The following CACNA1E variants were observed in gnomAD, a reference collection of about 807,000 sequenced individuals.
The protein encoded by CACNA1E is voltage-dependent R-type calcium channel subunit alpha-1E.
CACNA1E carries 40 observed loss-of-function variants against 259.2 expected under a neutral mutation model. The ratio of observed to expected loss-of-function variants is 0.15; its 90% CI spans 0.12 to 0.20. The LOEUF is 0.20. Among genes scored for constraint, CACNA1E ranks in the 10% least tolerant of loss-of-function variants. The pLI is 1.00. For missense variants in CACNA1E, 1,874 were observed against 3,040.1 expected (o/e 0.62, Z 9.02); for synonymous variants, 1,104 against 1,138.5 (o/e 0.97, Z 0.61).
At chr1:181,359,626 G>T (rs1299222161) in intron 1 of CACNA1E, among the ~76,000 whole-genome samples, 2 of 152,122 alleles carry the variant, frequency 1.3e-5, no homozygotes, top group Non-Finnish European at 2.9e-5. Flanking sequence ...TGCTTCCTCT[G>T]CTAGTTTGGA....
At chr1:181,643,345 T>A (rs1029106054) in intron 6 of CACNA1E, among the ~76,000 whole-genome samples, 2 of 152,210 alleles carry the variant, frequency 1.3e-5, no homozygotes, top group African/African-American at 4.8e-5. Flanking sequence ...TTGGAATTAC[T>A]AGGATTTAAG....
chr1:181,677,277 T>G (rs917978174), intron 7 of CACNA1E, among the ~76,000 whole-genome samples: 1 of 152,208 alleles, frequency 6.6e-6, no homozygotes, highest in Non-Finnish European at 1.5e-5. Flanking sequence ...TCTTTATTTA[T>G]CTAACTCCAG....
intron 1 of CACNA1E, among the ~76,000 whole-genome samples, chr1:181,338,743 T>C (rs1323249108): frequency 6.6e-6 from 1 of 152,174 alleles, no homozygotes; most frequent in African/African-American, 2.4e-5. Context: ...AAGGCCACTA[T>C]CAAAGAGCTT....
chr1:181,760,308 A>G (rs1328417228), intron 32 of CACNA1E, among the ~76,000 whole-genome samples: 1 of 152,170 alleles, frequency 6.6e-6, no homozygotes, highest in African/African-American at 2.4e-5. Context: ...ACTCTGTAAA[A>G]GGTACCACTA....
chr1:181,379,965 G>C (rs191519375), intron 1 of CACNA1E, among the ~76,000 whole-genome samples: 1 of 143,540 alleles, frequency 7.0e-6, no homozygotes, highest in East Asian at 2.0e-4. Flanking sequence ...ACTGTCATAA[G>C]ATATATATAT....
At chr1:181,378,556 C>G (rs1014585938) in intron 1 of CACNA1E, among the ~76,000 whole-genome samples, 1 of 152,128 alleles carries the variant, frequency 6.6e-6, no homozygotes, top group Admixed American at 6.5e-5. Context: ...AGAGAGAACT[C>G]TGGAGATTTG....
chr1:181,509,184 A>G (rs1284580579), intron 1 of CACNA1E, among the ~76,000 whole-genome samples: 1 of 152,166 alleles, frequency 6.6e-6, no homozygotes, highest in Non-Finnish European at 1.5e-5. Context: ...TGATGCCAGC[A>G]CCAAGACCAG....
At chr1:181,588,518 T>C (rs753188440) in intron 6 of CACNA1E, among the ~76,000 whole-genome samples, 2 of 152,188 alleles carry the variant, frequency 1.3e-5, no homozygotes, top group African/African-American at 4.8e-5. Flanking sequence ...CACCCTGAAG[T>C]TATTCCTACT....
At chr1:181,510,345 T>C in intron 1 of CACNA1E, 132 bp from the exon 2 acceptor site, 1 of 672,734 alleles carries the variant, frequency 1.5e-6, no homozygotes, top group Non-Finnish European at 2.7e-6. Context: ...CCTGCCTGCC[T>C]GTTTACAAAT....
rs546126406 is a variant in CACNA1E at position 181,328,108 on chromosome 1, G to A, written c.-15+9985G>A. ...GCTGTAACACAACACTGTAGGCTGG[G>A]TGGCTCTTAAATAGCAGAAATTTGA... On this transcript the variant is annotated intron_variant, in intron 1 of 11. Coordinates refer to the CACNA1E transcript ENST00000524607. Among the ~76,000 whole-genome samples, 6 of 152,296 alleles carry A rather than the reference G, an allele frequency of 3.9e-5. No homozygotes were observed. In the South Asian group the frequency reaches 6.2e-4, roughly 16 times the overall value.
intron 1 of CACNA1E, among the ~76,000 whole-genome samples, chr1:181,499,883 G>A (rs1366606006): frequency 2.0e-5 from 3 of 152,198 alleles, no homozygotes; most frequent in South Asian, 2.1e-4. Context: ...CTTTGATTAC[G>A]TCTTGGCTGC....
chr1:181,592,809 A>G (rs1005458518), intron 6 of CACNA1E, among the ~76,000 whole-genome samples: 1 of 152,116 alleles, frequency 6.6e-6, no homozygotes, highest in African/African-American at 2.4e-5. Context: ...ACACACACAC[A>G]CAAACACACT....
At chr1:181,418,493 T>G (rs1658455364) in intron 2 of CACNA1E, among the ~76,000 whole-genome samples, 1 of 152,214 alleles carries the variant, frequency 6.6e-6, no homozygotes, top group African/African-American at 2.4e-5. Context: ...CATCGTATAC[T>G]GCTGACCTCT....
At chr1:181,395,844 A>T (rs1656644125) in intron 1 of CACNA1E, among the ~76,000 whole-genome samples, 1 of 152,264 alleles carries the variant, frequency 6.6e-6, no homozygotes. Flanking sequence ...GTGATCAATT[A>T]TGTCAAATAA....
intron 26 of CACNA1E, among the ~76,000 whole-genome samples, chr1:181,750,983 TG>T (rs1657544979): frequency 8.1e-6 from 1 of 123,040 alleles, no homozygotes; most frequent in African/African-American, 3.1e-5. Flanking sequence ...GTCAGGGGGG[TG>T]GGGTAGGGGG....
chr1:181,585,935 T>G (rs1652016913), intron 6 of CACNA1E, among the ~76,000 whole-genome samples: 1 of 152,210 alleles, frequency 6.6e-6, no homozygotes, highest in Non-Finnish European at 1.5e-5. Flanking sequence ...TGGAGGGTTT[T>G]GAGGAAAGGA....
chr1:181,332,133 G>A (rs1241471429), intron 1 of CACNA1E, among the ~76,000 whole-genome samples: 2 of 152,130 alleles, frequency 1.3e-5, no homozygotes, highest in African/African-American at 2.4e-5. Flanking sequence ...CAAATACTAC[G>A]TGTTCTCACT....
intron 27 of CACNA1E, among the ~76,000 whole-genome samples, chr1:181,754,651 A>G (rs1468459871): frequency 6.6e-6 from 1 of 152,202 alleles, no homozygotes; most frequent in Admixed American, 6.5e-5. Flanking sequence ...TTCATCCCAA[A>G]TGCAGCCACC....
intron 7 of CACNA1E, among the ~76,000 whole-genome samples, chr1:181,662,669 A>G (rs529543392): frequency 9.2e-5 from 14 of 152,308 alleles, no homozygotes; most frequent in South Asian, 4.1e-4. Flanking sequence ...AGCTGTTAGT[A>G]GCAGATTTCT....
Sources: allele counts gnomAD v4.1 joint callset (sites outside exome capture counted in the v4.1 genomes callset), GRCh38; gene constraint gnomAD v4.1.1; transcripts MANE v1.5; gene names NCBI Gene and HGNC (gene_info 2026-07-23, HGNC 2026-07-21).